EPHA6: variants seen among roughly 807,000 people sequenced by gnomAD.
The protein encoded by EPHA6 is ephrin type-A receptor 6.
A neutral mutation model predicts 112.0 loss-of-function variants in EPHA6; 50 were observed. The observed-to-expected ratio is 0.45, with a 90% CI of 0.36 to 0.56. The LOEUF (loss-of-function observed/expected upper bound fraction) is 0.56. Ranked by LOEUF, EPHA6 falls within the 20% of genes least tolerant of loss-of-function variation. The pLI is 0.00. For missense variants in EPHA6, 1,280 were observed against 1,417.4 expected, an observed-to-expected ratio of 0.90 and a Z score of 1.56; for synonymous variants, 529 against 490.7, an observed-to-expected ratio of 1.08 and a Z score of -1.03.
chr3:97,384,298 A>T (rs1185255201), intron 5 of EPHA6, among the ~76,000 whole-genome samples: 2 of 152,190 alleles, frequency 1.3e-5, no homozygotes, highest in African/African-American at 4.8e-5. Context: ...AATGAAGGAA[A>T]CAGAGAAGTT....
intron 14 of EPHA6, among the ~76,000 whole-genome samples, chr3:97,665,692 T>C (rs1202316808): frequency 6.6e-6 from 1 of 152,184 alleles, no homozygotes; most frequent in African/African-American, 2.4e-5. Flanking sequence ...ATCTAACTCA[T>C]CAATACACAC....
chr3:97,338,947 T>C (rs2083182880), intron 5 of EPHA6, among the ~76,000 whole-genome samples: 1 of 152,190 alleles, frequency 6.6e-6, no homozygotes, highest in Non-Finnish European at 1.5e-5. Flanking sequence ...GCCTCTATCA[T>C]CTTCCCCATC....
At chr3:97,718,766 C>T (rs1395960020) in intron 14 of EPHA6, among the ~76,000 whole-genome samples, 2 of 152,088 alleles carry the variant, frequency 1.3e-5, no homozygotes, top group African/African-American at 4.8e-5. Flanking sequence ...GGGCTTCAGG[C>T]TTCCTTCTAT....
rs147319427 is a variant in EPHA6, at chr3:97,743,275, AAGTCTG to A, written c.3129-4143_3129-4138del. Reference sequence around the variant, plus strand: ...CTGTTCTGTAGATAATTTAATATTCAAGTCTGAGTCATCACGTATTTAATGAACTCC... The same window carrying A: ...CTGTTCTGTAGATAATTTAATATTCAAGTCATCACGTATTTAATGAACTCC... On this transcript the variant is annotated intron_variant, in intron 16 of 17. Transcript: ENST00000389672. 6.0e-3 allele frequency among the ~76,000 whole-genome samples: 906 copies of A among 152,182 alleles called. 10 individuals carry two copies. The highest frequency in any genetic ancestry group is 0.021 in the African/African-American group (871 of 41,558).
rs2080118542 is a variant in EPHA6, at chr3:97,277,232, A to C, written c.1606+32945A>C. 2.0e-5 allele frequency among the ~76,000 whole-genome samples: 3 copies of C among 152,096 alleles called. No individual in the cohort carries two copies. The South Asian group carries it at 6.2e-4, about 32-fold the overall frequency. ...ATGGGCTGAGTCCGAAAAGAGAGTC[A>C]GCGAAGGGAGATAGGGGTGGGGCCA... On this transcript the variant is annotated intron_variant, in intron 5 of 17. Transcript: ENST00000389672.
chr3:97,479,228 A>C (rs988690721), intron 8 of EPHA6, 66 bp from the exon 9 acceptor site: 2 of 926,438 alleles, frequency 2.2e-6, no homozygotes, highest in African/African-American at 1.7e-5. Flanking sequence ...TATGTATTTT[A>C]ATTGGTTTTG....
At chr3:97,273,835 A>C (rs2079974871) in intron 5 of EPHA6, among the ~76,000 whole-genome samples, 1 of 152,180 alleles carries the variant, frequency 6.6e-6, no homozygotes, top group African/African-American at 2.4e-5. Flanking sequence ...TGGCCTTCTC[A>C]GACCCTGTAG....
chr3:97,377,269 T>G (rs913774023), intron 5 of EPHA6, among the ~76,000 whole-genome samples: 39 of 152,324 alleles, frequency 2.6e-4, no homozygotes, highest in African/African-American at 8.7e-4. Flanking sequence ...ATCAGGGGTT[T>G]CTGCTTCTGC....
intron 15 of EPHA6, among the ~76,000 whole-genome samples, chr3:97,734,797 T>C (rs143469910): frequency 1.1e-4 from 17 of 152,188 alleles, no homozygotes; most frequent in African/African-American, 3.9e-4. Context: ...AACTCAACAA[T>C]GGTGACAATA....
At chr3:96,914,829 A>G (rs2039405921) in intron 2 of EPHA6, among the ~76,000 whole-genome samples, 1 of 152,058 alleles carries the variant, frequency 6.6e-6, no homozygotes, top group African/African-American at 2.4e-5. Flanking sequence ...GTTGAAGAAA[A>G]TAATCTACAT....
intron 3 of EPHA6, among the ~76,000 whole-genome samples, chr3:97,177,774 T>C (rs573841918): frequency 7.2e-5 from 11 of 152,142 alleles, no homozygotes; most frequent in Middle Eastern, 6.8e-3. Flanking sequence ...CTACTGTTGC[T>C]CCTTTTTGGT....
chr3:97,431,585 G>A (rs1559998838), intron 6 of EPHA6, among the ~76,000 whole-genome samples: 1 of 152,024 alleles, frequency 6.6e-6, no homozygotes, highest in African/African-American at 2.4e-5. Flanking sequence ...ACCACAGCAG[G>A]TGGATGAAAT....
intron 5 of EPHA6, among the ~76,000 whole-genome samples, chr3:97,359,423 T>C (rs1024101269): frequency 6.6e-6 from 1 of 151,908 alleles, no homozygotes; most frequent in South Asian, 2.1e-4. Flanking sequence ...AAAATTACTT[T>C]CTTGATATTT....
intron 14 of EPHA6, among the ~76,000 whole-genome samples, chr3:97,696,864 A>G (rs900905301): frequency 2.0e-5 from 3 of 152,182 alleles, no homozygotes; most frequent in Admixed American, 1.3e-4. Context: ...CTGTTGGGAA[A>G]GCCAAGCCTC....
At chr3:97,251,134 G>T (rs1243865487) in intron 5 of EPHA6, among the ~76,000 whole-genome samples, 5 of 151,972 alleles carry the variant, frequency 3.3e-5, no homozygotes, top group Non-Finnish European at 7.4e-5. Flanking sequence ...CCAAAGTACT[G>T]GGATTACAGG....
chr3:97,654,576 AG>A (rs1382298495), intron 14 of EPHA6, among the ~76,000 whole-genome samples: 1 of 152,020 alleles, frequency 6.6e-6, no homozygotes, highest in East Asian at 1.9e-4. Context: ...TTCTTTAATA[AG>A]GTTGTCACCT....
At chr3:97,660,415 T>C (rs2094162087) in intron 14 of EPHA6, among the ~76,000 whole-genome samples, 1 of 152,080 alleles carries the variant, frequency 6.6e-6, no homozygotes, top group African/African-American at 2.4e-5. Context: ...AACTGTGTAA[T>C]TTGAAAGGTG....
rs573481711 is a variant in EPHA6 at position 97,471,561 on chromosome 3, A to G, written c.1895-3791A>G. ...AACTTGGTAAAATGTAGCAGTCTGA[A>G]TTCCCTAGTAGCTTCTACCTCCCAG... is the stretch of plus-strand genomic sequence containing the variant. On this transcript the variant is annotated intron_variant, in intron 7 of 17. Coordinates refer to ENST00000389672, the MANE Select transcript of EPHA6 (RefSeq NM_001080448.3). Among the ~76,000 whole-genome samples the G allele has an allele frequency of 2.6e-5, 4 of 151,800 alleles. No individual in the cohort carries two copies. The East Asian group carries it at 7.7e-4, about 29-fold the overall frequency.
chr3:97,435,658 G>T (rs1454670775), intron 6 of EPHA6, among the ~76,000 whole-genome samples: 1 of 152,070 alleles, frequency 6.6e-6, no homozygotes, highest in Non-Finnish European at 1.5e-5. Context: ...TTTAACATGG[G>T]CAACATGTGT....
Sources: gnomAD v4.1 joint callset for allele counts (sites outside exome capture counted in the v4.1 genomes callset) on GRCh38, gnomAD v4.1.1 for gene constraint, MANE v1.5 for transcripts, NCBI Gene and HGNC (gene_info 2026-07-23, HGNC 2026-07-21) for gene names.